TTC7A: variants seen among roughly 807,000 people sequenced by gnomAD.
TTC7A encodes tetratricopeptide repeat protein 7A.
TTC7A carries 110 observed loss-of-function variants against 103.7 expected under a neutral mutation model. That is an observed-to-expected ratio of 1.06 (90% CI 0.91 to 1.24). The LOEUF (loss-of-function observed/expected upper bound fraction) is 1.24, where lower values mean the gene tolerates loss of function less well. Among genes scored for constraint, TTC7A ranks in the 50% most tolerant of loss-of-function variants. The probability of loss-of-function intolerance (pLI) is 0.00; values close to 1 mark genes in which losing one functional copy is unlikely to be tolerated. For synonymous variants in TTC7A, 521 were observed against 467.9 expected, an observed-to-expected ratio of 1.11 and a Z score of -1.47; for missense variants, 1,340 against 1,116.3, an observed-to-expected ratio of 1.20 and a Z score of -2.86.
At chr2:47,020,742 T>A (rs1383966648) in intron 11 of TTC7A, among the ~76,000 whole-genome samples, 1 of 152,246 alleles carries the variant, frequency 6.6e-6, no homozygotes, top group Non-Finnish European at 1.5e-5. Context: ...TAATAGCCTC[T>A]GTCTCATGAT....
intron 19 of TTC7A, among the ~76,000 whole-genome samples, chr2:47,073,161 G>C (rs918253010): frequency 6.6e-6 from 1 of 152,166 alleles, no homozygotes; most frequent in African/African-American, 2.4e-5. Context: ...CAGTGGTGAA[G>C]GCCTGTAATG....
chr2:46,999,545 C>T, intron 8 of TTC7A: 21 of 985,448 alleles, frequency 2.1e-5, no homozygotes, highest in Non-Finnish European at 2.5e-5. Context: ...ACAGTTCAAT[C>T]ATAGTTCCTG....
At chr2:47,008,658 A>T (rs930094314) in intron 10 of TTC7A, among the ~76,000 whole-genome samples, 1 of 152,202 alleles carries the variant, frequency 6.6e-6, no homozygotes, top group African/African-American at 2.4e-5. Context: ...CCTGCCCACC[A>T]AATCAGTCTG....
At chr2:47,013,738 G>A (rs1287766816) in intron 11 of TTC7A, among the ~76,000 whole-genome samples, 1 of 152,214 alleles carries the variant, frequency 6.6e-6, no homozygotes, top group Non-Finnish European at 1.5e-5. Flanking sequence ...AATCAGATGA[G>A]TTAGGAGCAA....
chr2:47,047,091 A>G (rs928544458), intron 16 of TTC7A, among the ~76,000 whole-genome samples: 93 of 152,142 alleles, frequency 6.1e-4, no homozygotes, highest in Non-Finnish European at 8.7e-4. Flanking sequence ...GTCTTTGCTC[A>G]AACCCAATGG....
At chr2:46,926,990 A>G (rs1450578486) in intron 2 of TTC7A, among the ~76,000 whole-genome samples, 1 of 152,134 alleles carries the variant, frequency 6.6e-6, no homozygotes, top group African/African-American at 2.4e-5. Context: ...ATTGAACTAC[A>G]GTTTAGACAC....
At chr2:46,921,156 A>AT (rs1365785190) in intron 2 of TTC7A, among the ~76,000 whole-genome samples, 2 of 152,198 alleles carry the variant, frequency 1.3e-5, no homozygotes, top group Non-Finnish European at 2.9e-5. Flanking sequence ...TAGTATATTC[A>AT]TTATACTAGA....
chr2:46,995,247 G>A, intron 8 of TTC7A, 48 bp downstream of exon 8: 1 of 1,601,954 alleles, frequency 6.2e-7, no homozygotes, highest in Non-Finnish European at 8.5e-7. Flanking sequence ...CTGACCCTGT[G>A]GGGAAGGGCT....
intron 15 of TTC7A, among the ~76,000 whole-genome samples, chr2:47,039,465 T>G (rs1259523535): frequency 6.6e-6 from 1 of 152,086 alleles, no homozygotes; most frequent in Admixed American, 6.5e-5. Context: ...TGCCCCCAGG[T>G]AAGGGGATGG....
At chr2:46,965,709 G>A (rs760099002) in intron 3 of TTC7A, among the ~76,000 whole-genome samples, 34 of 151,912 alleles carry the variant, frequency 2.2e-4, no homozygotes, top group Middle Eastern at 3.4e-3. Context: ...TTACAGGCAC[G>A]TACTACCATA....
chr2:46,958,200 A>G (rs1363270581), intron 3 of TTC7A, among the ~76,000 whole-genome samples: 1 of 152,098 alleles, frequency 6.6e-6, no homozygotes, highest in African/African-American at 2.4e-5. Flanking sequence ...CGCCCACCCA[A>G]GATCCTTGGA....
At chr2:46,959,081 G>A (rs577417765) in intron 3 of TTC7A, among the ~76,000 whole-genome samples, 94 of 152,370 alleles carry the variant, frequency 6.2e-4, no homozygotes, top group African/African-American at 2.2e-3. Flanking sequence ...GGAAGTGGCA[G>A]AGGCAGGATT....
intron 11 of TTC7A, among the ~76,000 whole-genome samples, chr2:47,015,093 A>C (rs1006207245): frequency 6.6e-6 from 1 of 152,220 alleles, no homozygotes; most frequent in Non-Finnish European, 1.5e-5. Flanking sequence ...CTTATCTTGA[A>C]GTTCCCCTTG....
intron 3 of TTC7A, among the ~76,000 whole-genome samples, chr2:46,961,600 T>TAAATAAATAAATA (rs1289737572): frequency 6.7e-6 from 1 of 149,764 alleles, no homozygotes; most frequent in African/African-American, 2.5e-5. Flanking sequence ...AATAAATAAA[T>TAAATAAATAAATA]AAATAAAATA....
intron 2 of TTC7A, among the ~76,000 whole-genome samples, chr2:46,934,650 C>T (rs77549070): frequency 0.057 from 8,620 of 152,008 alleles, 293 homozygotes; most frequent in African/African-American, 0.088. Context: ...TCATAGGTTG[C>T]AGTAAGCCTG....
intron 6 of TTC7A, 113 bp downstream of exon 6, chr2:46,993,641 G>A: frequency 1.1e-6 from 1 of 942,436 alleles, no homozygotes; most frequent in Non-Finnish European, 1.7e-6. Flanking sequence ...TCTCCTGCCT[G>A]CTTGTGGCAG....
At chr2:47,001,519 T>C (rs1475837314) in intron 8 of TTC7A, among the ~76,000 whole-genome samples, 3 of 152,154 alleles carry the variant, frequency 2.0e-5, no homozygotes, top group Admixed American at 1.3e-4. Context: ...CCAGGGTTAC[T>C]GTGAGGCCAG....
chr2:46,974,878 G>T, intron 3 of TTC7A, 95 bp from the exon 4 acceptor site: 1 of 1,521,206 alleles, frequency 6.6e-7, no homozygotes, highest in Non-Finnish European at 8.9e-7. Flanking sequence ...CAGAGTGTCT[G>T]CCCCCTCGGA....
At chr2:47,072,871 G>A (rs1260383543) in intron 19 of TTC7A, among the ~76,000 whole-genome samples, 1 of 152,234 alleles carries the variant, frequency 6.6e-6, no homozygotes, top group Non-Finnish European at 1.5e-5. Flanking sequence ...AGTGTGGGTA[G>A]AAGAGGATGT....
Sources: allele counts gnomAD v4.1 joint callset (sites outside exome capture counted in the v4.1 genomes callset), GRCh38; gene constraint gnomAD v4.1.1; transcripts MANE v1.5; gene names NCBI Gene and HGNC (gene_info 2026-07-23, HGNC 2026-07-21).